RNF144A: variants seen among roughly 807,000 people sequenced by gnomAD.
The protein encoded by RNF144A is E3 ubiquitin-protein ligase RNF144A.
RNF144A carries 11 observed loss-of-function variants against 38.7 expected under a neutral mutation model. That is an observed-to-expected ratio of 0.28 (90% CI 0.18 to 0.47). The LOEUF is 0.47. Among genes scored for constraint, RNF144A ranks in the 20% least tolerant of loss-of-function variants. RNF144A has a pLI of 0.99. For missense variants in RNF144A, 316 were observed against 377.2 expected (o/e 0.84, Z 1.34); for synonymous variants, 149 against 143.9 (o/e 1.04, Z -0.25).
chr2:7,042,407 A>G lies in RNF144A; in HGVS notation c.*2647A>G. 1.0e-6 allele frequency: 1 copy of G among 985,446 alleles called. No homozygotes were observed. Among genetic ancestry groups the G allele is most frequent in the Non-Finnish European group, 1.2e-6 (1 of 829,934 alleles). The allele number at this position is 985,446 out of a possible 1,614,324, so 61.0% of individuals were successfully genotyped here. A position where few individuals can be genotyped will look rare whatever the true frequency, so the allele number is the denominator to read the frequency against. The stretch of plus-strand genomic sequence containing the variant: ...TGAAAAATGGCATTCACTCTTACAG[A>G]TGGTGTTCACTGCAAGCCCCAGAAG... On this transcript the variant is annotated 3_prime_UTR_variant, in exon 9 of 9. Transcript: ENST00000320892.
At chr2:6,920,184 C>A (rs1303165021) in intron 1 of RNF144A, among the ~76,000 whole-genome samples, 2 of 152,196 alleles carry the variant, frequency 1.3e-5, no homozygotes, top group African/African-American at 4.8e-5. Flanking sequence ...ACCACGTGGC[C>A]CCACTGCCTA....
At position 7,037,407 on chromosome 2, in the gene RNF144A, T is replaced by TGCCA. The variant is rs527923557; in HGVS notation, c.748-2220_748-2217dup. The stretch of plus-strand genomic sequence containing the variant: ...GGCTCTTTCAAGACTGACAGTTGTG[T>TGCCA]GCCAGGTAGTCGAGGTTGCTCAAAA... On this transcript the variant is annotated intron_variant, in intron 8 of 8. Coordinates refer to ENST00000320892, the MANE Select transcript of RNF144A (RefSeq NM_014746.6). Among the ~76,000 whole-genome samples, 594 of 152,372 alleles carry TGCCA rather than the reference T, an allele frequency of 3.9e-3. 8 individuals are homozygous for TGCCA. Among genetic ancestry groups the TGCCA allele is most frequent in the African/African-American group, 0.013 (555 of 41,588 alleles).
chr2:7,045,232 C>T (rs377481910), downstream of RNF144A, among the ~76,000 whole-genome samples: 7 of 152,168 alleles, frequency 4.6e-5, no homozygotes, highest in East Asian at 1.9e-4. Context: ...CACAGTGTGC[C>T]GAACTCAGGA....
chr2:7,042,616 G>A lies in RNF144A; in HGVS notation c.*2856G>A. The A allele has an allele frequency of 1.0e-6, 1 of 985,560 alleles. No individual in the cohort carries two copies. The highest frequency in any genetic ancestry group is 1.2e-6 in the Non-Finnish European group (1 of 830,030). The allele number at this position is 985,560 out of a possible 1,614,324, so 61.1% of individuals were successfully genotyped here. A position where few individuals can be genotyped will look rare whatever the true frequency, so the allele number is the denominator to read the frequency against. ...CTGACCACATTTGGAGGTTTTGCTG[G>A]AAATGCCTGACCTCTCAGTCTGGCT... On this transcript the variant is annotated 3_prime_UTR_variant, in exon 9 of 9. Coordinates refer to ENST00000320892, the MANE Select transcript of RNF144A (RefSeq NM_014746.6).
chr2:6,984,731 T>C (rs1287331399), intron 2 of RNF144A, among the ~76,000 whole-genome samples: 3 of 152,256 alleles, frequency 2.0e-5, no homozygotes, highest in Non-Finnish European at 1.5e-5. Context: ...TAGGAGTGCG[T>C]AATTGTATTT....
chr2:7,017,639 A>G (rs112941377), intron 5 of RNF144A, among the ~76,000 whole-genome samples: 1,924 of 152,372 alleles, frequency 0.013, 43 homozygotes, highest in African/African-American at 0.044. Context: ...TTAATCTGCC[A>G]TGAATACGCC....
downstream of RNF144A, among the ~76,000 whole-genome samples, chr2:7,071,294 T>C (rs1221430876): frequency 6.6e-6 from 1 of 152,102 alleles, no homozygotes; most frequent in Non-Finnish European, 1.5e-5. Context: ...GCTGCAGATG[T>C]GTGGTTAGGC....
chr2:7,043,993 T>G lies in RNF144A; in HGVS notation c.*4233T>G, dbSNP rs777636657. 1.9e-5 allele frequency: 19 copies of G among 985,890 alleles called. No homozygotes were observed. The highest frequency in any genetic ancestry group is 2.3e-5 in the Non-Finnish European group (19 of 829,918). 61.1% of individuals were successfully genotyped at this position (985,890 alleles called of 1,614,324 possible). On this transcript the variant is annotated 3_prime_UTR_variant, in exon 9 of 9. Transcript: ENST00000320892. ...ACATTTTGTGCCACTAACACTGTGA[T>G]GTATAAAAGAGCTGTTTGAATGCCT... is the stretch of plus-strand genomic sequence containing the variant.
the RNF144A span, among the ~76,000 whole-genome samples, chr2:7,075,288 C>CG: frequency 6.6e-5 from 10 of 151,412 alleles, no homozygotes; most frequent in East Asian, 1.2e-3. Flanking sequence ...ACATCCCCCC[C>CG]CCCACACAGT....
chr2:6,950,108 C>T (rs1666585648), intron 2 of RNF144A, among the ~76,000 whole-genome samples: 1 of 152,188 alleles, frequency 6.6e-6, no homozygotes, highest in African/African-American at 2.4e-5. Flanking sequence ...TTCATTATGT[C>T]AGTTTTGAAG....
At chr2:6,945,529 G>C (rs1666281161) in intron 2 of RNF144A, among the ~76,000 whole-genome samples, 1 of 152,150 alleles carries the variant, frequency 6.6e-6, no homozygotes, top group Non-Finnish European at 1.5e-5. Context: ...ATTGGAGGGA[G>C]ACGGTCAACT....
chr2:7,044,120 C>T lies in RNF144A; in HGVS notation c.*4360C>T, dbSNP rs180977572. On this transcript the variant is annotated 3_prime_UTR_variant, in exon 9 of 9. Transcript: ENST00000320892. ...TTGTGTCTTACGTAGTTTGTCCCCC[C>T]CTTTAGCAGGGATTCCTTTTTAAAG... The T allele has an allele frequency of 2.9e-5, 29 of 985,778 alleles. No individual in the cohort carries two copies. Among genetic ancestry groups the T allele is most frequent in the Non-Finnish European group, 3.3e-5 (27 of 829,924 alleles). The allele number at this position is 985,778 out of a possible 1,614,324, so 61.1% of individuals were successfully genotyped here.
intron 1 of RNF144A, among the ~76,000 whole-genome samples, chr2:6,940,521 CATTAGTTTATTTT>C (rs1378216804): frequency 6.6e-6 from 1 of 151,668 alleles, no homozygotes; most frequent in Non-Finnish European, 1.5e-5. Flanking sequence ...CCTTTTTTTT[CATTAGTTTATTTT>C]TATCCTCTTT....
At chr2:7,004,069 C>T (rs1038554855) in intron 3 of RNF144A, among the ~76,000 whole-genome samples, 1 of 152,238 alleles carries the variant, frequency 6.6e-6, no homozygotes, top group African/African-American at 2.4e-5. Context: ...AAAGGTGGGA[C>T]TCTTTGGTCT....
chr2:7,031,456 G>A (rs975443272), intron 8 of RNF144A, among the ~76,000 whole-genome samples: 2 of 152,204 alleles, frequency 1.3e-5, no homozygotes, highest in African/African-American at 4.8e-5. Flanking sequence ...TGATGGCAGG[G>A]ACAGACCCTT....
intron 3 of RNF144A, among the ~76,000 whole-genome samples, chr2:6,997,709 G>GT (rs1669845276): frequency 6.6e-6 from 1 of 152,096 alleles, no homozygotes; most frequent in African/African-American, 2.4e-5. Context: ...AATTTTACTT[G>GT]TTTTTTCTGT....
rs73157861 is a variant in RNF144A at position 6,939,310 on chromosome 2, C to T, written c.-211-1638C>T. ...GTGAAGTGGCATCTCATTGGAGTTT[C>T]GATTTGCATTTCCCTAATTGGTTAG... is the stretch of plus-strand genomic sequence containing the variant. On this transcript the variant is annotated intron_variant, in intron 1 of 8. Transcript: ENST00000320892. 2.9e-3 allele frequency among the ~76,000 whole-genome samples: 440 copies of T among 152,240 alleles called. 2 individuals carry two copies. The highest frequency in any genetic ancestry group is 0.01 in the African/African-American group (421 of 41,528).
downstream of RNF144A, among the ~76,000 whole-genome samples, chr2:7,046,467 T>C (rs1673311024): frequency 6.6e-6 from 1 of 152,194 alleles, no homozygotes. Flanking sequence ...TGTTTCCTGT[T>C]TGAACATTGG....
rs1359989135 is a variant in RNF144A at position 7,043,498 on chromosome 2, A to G, written c.*3738A>G. On this transcript the variant is annotated 3_prime_UTR_variant, in exon 9 of 9. Coordinates refer to ENST00000320892, the MANE Select transcript of RNF144A (RefSeq NM_014746.6). ...TAAATCACAAGGAGATCATCAAGGG[A>G]AAACATTTTGCATGTGTAAAGCTTC... 29 of 985,668 alleles carry G rather than the reference A, an allele frequency of 2.9e-5. No homozygotes were observed. The highest frequency in any genetic ancestry group is 3.5e-5 in the Non-Finnish European group (29 of 829,884). 61.1% of individuals were successfully genotyped at this position (985,668 alleles called of 1,614,324 possible).
Sources: allele counts gnomAD v4.1 joint callset (sites outside exome capture counted in the v4.1 genomes callset), GRCh38; gene constraint gnomAD v4.1.1; transcripts MANE v1.5; gene names NCBI Gene and HGNC (gene_info 2026-07-23, HGNC 2026-07-21).